SIK3: variants seen among roughly 807,000 people sequenced by gnomAD.
SIK3 encodes the protein serine/threonine-protein kinase SIK3.
SIK3 carries 28 observed loss-of-function variants against 144.2 expected under a neutral mutation model. The ratio of observed to expected loss-of-function variants is 0.19; its 90% CI spans 0.14 to 0.27. SIK3 has a LOEUF of 0.27. SIK3 is among the 10% of genes least tolerant of loss of function. The pLI, the probability that SIK3 is intolerant of heterozygous loss-of-function variation, is 1.00. For synonymous variants in SIK3, 686 were observed against 676.3 expected, an observed-to-expected ratio of 1.01 and a Z score of -0.22; for missense variants, 1,319 against 1,776.0, an observed-to-expected ratio of 0.74 and a Z score of 4.62.
At chr11:117,054,067 C>A (rs1454059444) in intron 1 of SIK3, among the ~76,000 whole-genome samples, 1 of 152,168 alleles carries the variant, frequency 6.6e-6, no homozygotes, top group African/African-American at 2.4e-5. Context: ...CTCTCACCAG[C>A]TTATATTGCC....
chr11:116,966,594 A>C (rs555014622), intron 1 of SIK3, among the ~76,000 whole-genome samples: 3 of 152,286 alleles, frequency 2.0e-5, no homozygotes, highest in African/African-American at 7.2e-5. Context: ...GTTGGCACTC[A>C]AAGAGTTTAA....
chr11:116,863,813 G>A lies in SIK3; in HGVS notation c.1958C>T (p.Thr653Ile). Residue 653 changes from threonine (T) to isoleucine (I), a missense_variant, in exon 16 of 25, where the codon ACC becomes ATC. Transcript: ENST00000445177. Reference sequence around the variant, plus strand: ...GTGCAGAGTGTTGGAGTCCTTGTAGGTAGAGCTGAATATATGGGAAGAGAA... The same window carrying A: ...GTGCAGAGTGTTGGAGTCCTTGTAGATAGAGCTGAATATATGGGAAGAGAA... ...PHLVPDQHRS[T>I]YKDSNTLHLP... 1 of 1,608,990 alleles carries A rather than the reference G, an allele frequency of 6.2e-7. No individual in the cohort carries two copies. The highest frequency in any genetic ancestry group is 1.7e-4 in the Middle Eastern group (1 of 6,024).
chr11:116,861,954 A>C (rs562847043), intron 17 of SIK3, 28 bp from the exon 18 acceptor site: 1 of 1,511,350 alleles, frequency 6.6e-7, no homozygotes, highest in South Asian at 1.2e-5. Flanking sequence ...AAAGGAAAAA[A>C]ATTATTGTGA....
chr11:117,061,283 T>A (rs749244132), intron 1 of SIK3, among the ~76,000 whole-genome samples: 15 of 151,804 alleles, frequency 9.9e-5, no homozygotes, highest in Non-Finnish European at 1.5e-4. Context: ...AAAAAAAAAA[T>A]TTTAAGGTAT....
intron 21 of SIK3, among the ~76,000 whole-genome samples, chr11:116,855,098 A>AAAAAAC (rs1942789265): frequency 6.6e-6 from 1 of 151,420 alleles, no homozygotes; most frequent in African/African-American, 2.4e-5. Flanking sequence ...AAAAAAAAAA[A>AAAAAAC]AAAAAAAAAA....
chr11:116,957,624 T>A (rs1355779470), intron 1 of SIK3, among the ~76,000 whole-genome samples: 1 of 152,146 alleles, frequency 6.6e-6, no homozygotes, highest in Non-Finnish European at 1.5e-5. Flanking sequence ...ACGAAATGTT[T>A]ACTATGGGCC....
intron 22 of SIK3, among the ~76,000 whole-genome samples, chr11:116,848,085 C>T (rs1031728075): frequency 6.6e-5 from 10 of 152,082 alleles, no homozygotes; most frequent in African/African-American, 2.2e-4. Context: ...GAGGCTGAGG[C>T]TGGTGGATCA....
At chr11:116,847,076 G>A (rs1398489397) in intron 23 of SIK3, among the ~76,000 whole-genome samples, 1 of 152,194 alleles carries the variant, frequency 6.6e-6, no homozygotes, top group Non-Finnish European at 1.5e-5. Flanking sequence ...GCCTGAAAAG[G>A]ACAGCCTTGG....
intron 1 of SIK3, among the ~76,000 whole-genome samples, chr11:117,011,664 T>C (rs950358854): frequency 1.3e-5 from 2 of 152,214 alleles, no homozygotes; most frequent in Admixed American, 6.5e-5. Context: ...CTGCAAGGTA[T>C]AGCTGAACAA....
At chr11:116,994,559 A>G (rs1950597442) in intron 1 of SIK3, among the ~76,000 whole-genome samples, 1 of 152,214 alleles carries the variant, frequency 6.6e-6, no homozygotes, top group South Asian at 2.1e-4. Context: ...ATAATGATTC[A>G]TGACAAAAAG....
At chr11:117,015,577 A>T (rs1400004739) in intron 1 of SIK3, among the ~76,000 whole-genome samples, 3 of 111,230 alleles carry the variant, frequency 2.7e-5, no homozygotes, top group Admixed American at 8.2e-5. Context: ...ATGTCCAGCT[A>T]ATTTTTTTTT....
At chr11:117,059,593 CT>C (rs980720106) in intron 1 of SIK3, among the ~76,000 whole-genome samples, 52 of 152,108 alleles carry the variant, frequency 3.4e-4, no homozygotes, top group African/African-American at 1.2e-3. Flanking sequence ...AGAAGAAAAT[CT>C]TTGCAAAATA....
chr11:117,015,578 A>AT (rs58062225), intron 1 of SIK3, among the ~76,000 whole-genome samples: 449 of 139,898 alleles, frequency 3.2e-3, no homozygotes, highest in East Asian at 0.013. Context: ...TGTCCAGCTA[A>AT]TTTTTTTTTT....
At chr11:116,983,864 T>G (rs2441218) in intron 1 of SIK3, among the ~76,000 whole-genome samples, 8,543 of 151,748 alleles carry the variant, frequency 0.056, 517 homozygotes, top group African/African-American at 0.15. Context: ...GAGAACTGCT[T>G]GACCAGCCTG....
Position 116,857,940 on chromosome 11 carries a change from G to A in SIK3, c.3525C>T (p.Leu1175=). 1 of 1,614,212 alleles carries A rather than the reference G, an allele frequency of 6.2e-7. No homozygotes were observed. Among genetic ancestry groups the A allele is most frequent in the Non-Finnish European group, 8.5e-7 (1 of 1,180,044 alleles). The change falls in exon 21 of 25, where the codon CTC becomes CTT. Residue 1175 remains leucine (L), a synonymous_variant. Coordinates refer to ENST00000445177, the MANE Select transcript of SIK3 (RefSeq NM_001366686.3). ...LTKGCHDSPL[L]LSTGGPGDPE... The stretch of plus-strand genomic sequence containing the variant: ...GGTCCCCAGGTCCACCGGTACTCAA[G>A]AGCAGAGGGCTGTCATGGCAACCTT...
In SIK3 at chr11:116,858,901, G is replaced by A. The variant is rs1250313519; in HGVS notation, c.2766-202C>T. Among the ~76,000 whole-genome samples the A allele has an allele frequency of 6.6e-6, 1 of 152,116 alleles. No homozygotes were observed. Among genetic ancestry groups the A allele is most frequent in the Non-Finnish European group, 1.5e-5 (1 of 68,012 alleles). The stretch of plus-strand genomic sequence containing the variant: ...CCAAGGGACTGAGGGCACTGCGTGG[G>A]TAATAGATCTAGCTCATTTTGAAGG... On this transcript the variant is annotated intron_variant, in intron 20 of 24. Transcript: ENST00000445177. The surrounding 1 kb of genome is among the most constrained non-coding windows in gnomAD (Gnocchi z 5.4).
intron 1 of SIK3, among the ~76,000 whole-genome samples, chr11:116,959,309 C>T (rs1949256136): frequency 6.6e-6 from 1 of 151,932 alleles, no homozygotes; most frequent in Admixed American, 6.6e-5. Flanking sequence ...AGAATGAGAC[C>T]CTGTCTCAAA....
At chr11:116,939,109 AT>A (rs1948147127) in intron 3 of SIK3, among the ~76,000 whole-genome samples, 1 of 152,200 alleles carries the variant, frequency 6.6e-6, no homozygotes, top group African/African-American at 2.4e-5. Flanking sequence ...TGTTGAATGA[AT>A]GAGAGAATTC....
chr11:117,020,827 T>C (rs1951735813), intron 1 of SIK3, among the ~76,000 whole-genome samples: 1 of 152,174 alleles, frequency 6.6e-6, no homozygotes, highest in Non-Finnish European at 1.5e-5. Context: ...AACTGGTCAG[T>C]ATGTTTCCTG....
Sources: allele counts gnomAD v4.1 joint callset (sites outside exome capture counted in the v4.1 genomes callset), GRCh38; gene constraint gnomAD v4.1.1; non-coding constraint Gnocchi (gnomAD v3.1); transcripts MANE v1.5; gene names NCBI Gene and HGNC (gene_info 2026-07-23, HGNC 2026-07-21).